The following ATP1A4 variants were observed in gnomAD, a reference collection of about 807,000 sequenced individuals.
The protein encoded by ATP1A4 is ATPase Na+/K+ transporting subunit alpha 4.
In ATP1A4, 90 loss-of-function variants were observed where a neutral mutation model predicts 114.3. The ratio of observed to expected loss-of-function variants is 0.79; its 90% CI spans 0.66 to 0.94. The LOEUF is 0.94. ATP1A4 is among the 40% of genes least tolerant of loss of function. ATP1A4 has a pLI of 0.00. For missense variants in ATP1A4, 1,222 were observed against 1,313.6 expected (o/e 0.93, Z 1.08); for synonymous variants, 511 against 494.1 (o/e 1.03, Z -0.45).
intron 7 of ATP1A4, among the ~76,000 whole-genome samples, chr1:160,165,433 A>G (rs1652990955): frequency 6.6e-6 from 1 of 152,168 alleles, no homozygotes; most frequent in East Asian, 1.9e-4. Context: ...CAATGCTGTG[A>G]TATTATTGTT....
chr1:160,165,621 G>A (rs909646227), intron 7 of ATP1A4, among the ~76,000 whole-genome samples: 12 of 152,142 alleles, frequency 7.9e-5, no homozygotes, highest in Middle Eastern at 3.2e-3. Flanking sequence ...AAATTAGACA[G>A]GCATGGTGGC....
At chr1:160,152,485 G>A (rs1310281567) in intron 1 of ATP1A4, among the ~76,000 whole-genome samples, 2 of 152,174 alleles carry the variant, frequency 1.3e-5, no homozygotes, top group African/African-American at 4.8e-5. Context: ...GGAGGAGTCT[G>A]GGCTGTATGG....
chr1:160,159,646 C>T (rs1385246512), intron 6 of ATP1A4, 120 bp downstream of exon 6: 1 of 815,516 alleles, frequency 1.2e-6, no homozygotes, highest in Non-Finnish European at 2.0e-6. Flanking sequence ...CGAGCTTCTC[C>T]ATCACGAGCT....
Position 160,164,247 on chromosome 1 carries a change from A to G in ATP1A4, c.870A>G (p.Thr290=). ...CGTCAGGCCTGGCGGTTGGCCAGACACCTATCGCTGCTGAGATCGAACACT... is the reference window on the plus strand; with the variant it reads ...CGTCAGGCCTGGCGGTTGGCCAGACGCCTATCGCTGCTGAGATCGAACACT... ...SLTSGLAVGQ[T]PIAAEIEHFI... The change falls in exon 7 of 22, where the codon ACA becomes ACG. Residue 290 remains threonine, a synonymous_variant. Transcript: ENST00000368081. 4 of 1,614,136 alleles carry G rather than the reference A, an allele frequency of 2.5e-6. No individual in the cohort carries two copies. Among genetic ancestry groups the G allele is most frequent in the South Asian group, 1.1e-5 (1 of 91,082 alleles).
intron 4 of ATP1A4, among the ~76,000 whole-genome samples, chr1:160,158,550 T>C (rs1219808154): frequency 6.6e-6 from 1 of 152,070 alleles, no homozygotes; most frequent in Admixed American, 6.5e-5. Context: ...CTAATTTTTT[T>C]TTCAATTTTT....
chr1:160,182,469 C>T (rs1419771129), intron 20 of ATP1A4, among the ~76,000 whole-genome samples: 3 of 152,124 alleles, frequency 2.0e-5, no homozygotes, highest in Non-Finnish European at 4.4e-5. Flanking sequence ...GGTGCCTTGT[C>T]TTGTTCAACT....
intron 20 of ATP1A4, among the ~76,000 whole-genome samples, 190 bp from the exon 21 acceptor site, chr1:160,186,086 C>CAAAAAGAAAAAAAAA (rs1653878927): frequency 3.0e-5 from 1 of 32,790 alleles, no homozygotes; most frequent in Non-Finnish European, 5.1e-5. Context: ...GACTCTGTCG[C>CAAAAAGAAAAAAAAA]AAAAAAAAAA....
rs144041253 is a variant in ATP1A4, at chr1:160,169,047, C to T, written c.1491+1635C>T. On this transcript the variant is annotated intron_variant, in intron 10 of 21. Transcript: ENST00000368081. Reference sequence around the variant, plus strand: ...CAGATGACTATGTTGCTGCCTCTTCCGAGCTACCAAACATGCGGCTCAAAT... The same window carrying T: ...CAGATGACTATGTTGCTGCCTCTTCTGAGCTACCAAACATGCGGCTCAAAT... Among the ~76,000 whole-genome samples, 506 of 152,362 alleles carry T rather than the reference C, an allele frequency of 3.3e-3. 4 individuals are homozygous for T. The highest frequency in any genetic ancestry group is 0.017 in the Middle Eastern group (5 of 294).
Position 160,167,094 on chromosome 1 carries a change from G to C in ATP1A4, c.1356+17G>C, listed in dbSNP as rs765767559. On this transcript the variant is annotated intron_variant, in intron 9 of 21. Coordinates refer to ENST00000368081, the MANE Select transcript of ATP1A4 (RefSeq NM_144699.4). ...ATTGCTAAGGTGTCAGGCCCAAGGGGAAGAGGGTACCTCAGTGTCCAGGGT... is the reference window on the plus strand; with the variant it reads ...ATTGCTAAGGTGTCAGGCCCAAGGGCAAGAGGGTACCTCAGTGTCCAGGGT... The C allele has an allele frequency of 5.0e-6, 8 of 1,611,688 alleles. No individual in the cohort carries two copies. The highest frequency in any genetic ancestry group is 4.4e-5 in the South Asian group (4 of 91,048).
At chr1:160,174,511 T>C in intron 14 of ATP1A4, 68 bp from the exon 15 acceptor site, 1 of 1,571,506 alleles carries the variant, frequency 6.4e-7, no homozygotes, top group Non-Finnish European at 8.7e-7. Context: ...GAAAGCGTAC[T>C]GATCTTTGGG....
intron 3 of ATP1A4, 30 bp downstream of exon 3, chr1:160,155,278 C>CCTAT (rs1225331074): frequency 6.3e-7 from 1 of 1,583,098 alleles, no homozygotes; most frequent in African/African-American, 1.3e-5. Context: ...ACTAGCCAGC[C>CCTAT]CTATCTCTGC....
chr1:160,153,639 T>C (rs2102008147), intron 2 of ATP1A4, among the ~76,000 whole-genome samples: 1 of 152,358 alleles, frequency 6.6e-6, no homozygotes, highest in African/African-American at 2.4e-5. Context: ...TATCATATAT[T>C]CATATATGTT....
Position 160,176,486 on chromosome 1 carries a change from C to A in ATP1A4, c.2474C>A (p.Ala825Asp), listed in dbSNP as rs1252267149. The A allele has an allele frequency of 1.9e-6, 3 of 1,614,074 alleles. No individual in the cohort carries two copies. Among genetic ancestry groups the A allele is most frequent in the Non-Finnish European group, 1.7e-6 (2 of 1,180,040 alleles). Reference protein sequence around the residue: ...CIDLGTDMVPAISLAYESAES... With the variant: ...CIDLGTDMVPDISLAYESAES... ...CCACCCTCCATCCTCCAGGTCCCTG[C>A]CATCTCCTTGGCTTATGAGTCAGCT... Residue 825 changes from alanine to aspartate, a missense_variant, in exon 17 of 22, where the codon GCC becomes GAC. Coordinates refer to ENST00000368081, the MANE Select transcript of ATP1A4 (RefSeq NM_144699.4).
At chr1:160,163,642 A>G (rs1652934408) in intron 6 of ATP1A4, among the ~76,000 whole-genome samples, 1 of 152,130 alleles carries the variant, frequency 6.6e-6, no homozygotes, top group Non-Finnish European at 1.5e-5. Context: ...AACCCTCCAC[A>G]TGGTCATACA....
intron 2 of ATP1A4, among the ~76,000 whole-genome samples, chr1:160,154,736 G>T (rs1386727696): frequency 2.0e-5 from 3 of 152,144 alleles, no homozygotes; most frequent in Non-Finnish European, 4.4e-5. Flanking sequence ...AGCACCTTAA[G>T]GGTAGGGACC....
At position 160,156,452 on chromosome 1, in the gene ATP1A4, T is replaced by C. The variant is rs986924954; in HGVS notation, c.525+294T>C. On this transcript the variant is annotated intron_variant, in intron 4 of 21. Transcript: ENST00000368081. ...CATTCTATTTTTTTAAAGAGACAAG[T>C]GTTGGTGGGGGTGGGAGCGGGGTGC... is the stretch of plus-strand genomic sequence containing the variant. Among the ~76,000 whole-genome samples, 13 of 146,008 alleles carry C rather than the reference T, an allele frequency of 8.9e-5. No individual in the cohort carries two copies. In the East Asian group the frequency reaches 2.2e-3, roughly 25 times the overall value.
chr1:160,164,997 A>G (rs1652980193), intron 7 of ATP1A4, among the ~76,000 whole-genome samples: 1 of 152,244 alleles, frequency 6.6e-6, no homozygotes, highest in African/African-American at 2.4e-5. Flanking sequence ...AACACAAAAT[A>G]AGTCAATTCT....
chr1:160,172,746 G>T lies in ATP1A4; in HGVS notation c.1855-835G>T, dbSNP rs12025654. Among the ~76,000 whole-genome samples the T allele has an allele frequency of 5.0e-3, 767 of 152,298 alleles. 20 individuals carry two copies. Among genetic ancestry groups the T allele is most frequent in the Admixed American group, 0.034 (519 of 15,300 alleles). The stretch of plus-strand genomic sequence containing the variant: ...AACTAGGTGTTCTCTGTTGGAACTG[G>T]CTTTATGTTAGACCTGTGACTGTTG... On this transcript the variant is annotated intron_variant, in intron 12 of 21. Transcript: ENST00000368081.
intron 18 of ATP1A4, among the ~76,000 whole-genome samples, chr1:160,178,945 C>T (rs796077339): frequency 1.3e-5 from 2 of 152,156 alleles, no homozygotes; most frequent in South Asian, 2.1e-4. Context: ...AGAATTGTAG[C>T]GTCATAGAGG....
Sources: allele counts gnomAD v4.1 joint callset (sites outside exome capture counted in the v4.1 genomes callset), GRCh38; gene constraint gnomAD v4.1.1; transcripts MANE v1.5; gene names NCBI Gene and HGNC (gene_info 2026-07-23, HGNC 2026-07-21).